Variants in RELN observed in about 807,000 individuals in gnomAD.
RELN encodes reelin.
In RELN, 108 loss-of-function variants were observed where a neutral mutation model predicts 427.6. The observed-to-expected ratio is 0.25, with a 90% confidence interval of 0.22 to 0.30. The LOEUF (loss-of-function observed/expected upper bound fraction) is 0.30. Ranked by LOEUF, RELN falls within the 10% of genes least tolerant of loss-of-function variation. RELN has a pLI of 1.00. For synonymous variants in RELN, 1,524 were observed against 1,513.4 expected, an observed-to-expected ratio of 1.01 and a Z score of -0.16; for missense variants, 3,715 against 4,302.8, an observed-to-expected ratio of 0.86 and a Z score of 3.82.
intron 1 of RELN, among the ~76,000 whole-genome samples, chr7:103,934,737 T>A (rs1241485339): frequency 6.6e-6 from 1 of 152,116 alleles, no homozygotes; most frequent in African/African-American, 2.4e-5. Flanking sequence ...GGCTCTGGAG[T>A]CAGAATGGCT....
intron 2 of RELN, among the ~76,000 whole-genome samples, chr7:103,900,929 T>C (rs1043566452): frequency 4.0e-5 from 6 of 151,796 alleles, no homozygotes; most frequent in Non-Finnish European, 7.4e-5. Flanking sequence ...GATGTAGGCA[T>C]GGGCAAAGAT....
intron 8 of RELN, among the ~76,000 whole-genome samples, chr7:103,702,314 A>T (rs964214896): frequency 6.6e-6 from 1 of 152,244 alleles, no homozygotes; most frequent in Non-Finnish European, 1.5e-5. Flanking sequence ...ATTTAGAAGG[A>T]AAGTTCAAAT....
At position 103,721,523 on chromosome 7, in the gene RELN, T is replaced by C. The variant is rs114784657; in HGVS notation, c.805+1617A>G. On this transcript the variant is annotated intron_variant, in intron 8 of 64. Transcript: ENST00000428762. ...TACTTTTTCATCAAGTCTGTTGTAA[T>C]TGGTACAAATGAAAGGCAAGGAAAT... is the stretch of plus-strand genomic sequence containing the variant. Among the ~76,000 whole-genome samples, 1,504 of 152,218 alleles carry C rather than the reference T, an allele frequency of 9.9e-3. 32 individuals carry two copies. The highest frequency in any genetic ancestry group is 0.033 in the African/African-American group (1,372 of 41,540).
At position 103,833,681 on chromosome 7, in the gene RELN, A is replaced by G. The variant is rs759501468; in HGVS notation, c.338-9T>C. 132 of 1,612,018 alleles carry G rather than the reference A, an allele frequency of 8.2e-5. No homozygotes were observed. The highest frequency in any genetic ancestry group is 1.1e-4 in the Non-Finnish European group (125 of 1,178,598). On this transcript the variant is annotated splice_polypyrimidine_tract_variant and intron_variant, in intron 2 of 64. Transcript: ENST00000428762. ...GTGGTCAGACATGATCCCTAAGAGA[A>G]AGGAAGGAGAGTTGTTACAAAGACA...
intron 11 of RELN, among the ~76,000 whole-genome samples, chr7:103,677,598 T>C (rs1414619603): frequency 6.7e-6 from 1 of 150,174 alleles, no homozygotes; most frequent in Non-Finnish European, 1.5e-5. Context: ...AAATCCCGTC[T>C]CTACCAAAAG....
chr7:103,683,996 C>T (rs567342404), intron 10 of RELN, among the ~76,000 whole-genome samples: 3 of 152,252 alleles, frequency 2.0e-5, no homozygotes, highest in Admixed American at 6.5e-5. Flanking sequence ...GAATAGAACC[C>T]AGTGTTCTCA....
At chr7:103,893,987 G>A (rs563561221) in intron 2 of RELN, among the ~76,000 whole-genome samples, 4 of 152,242 alleles carry the variant, frequency 2.6e-5, no homozygotes, top group African/African-American at 7.2e-5. Flanking sequence ...ATAGCCGAAC[G>A]CTGAATAGAA....
At position 103,520,527 on chromosome 7, in the gene RELN, C is replaced by T. The variant is rs370273893; in HGVS notation, c.7669-1011G>A. 2.5e-4 allele frequency among the ~76,000 whole-genome samples: 38 copies of T among 152,198 alleles called. No individual in the cohort carries two copies. The East Asian group carries it at 4.3e-3, about 17-fold the overall frequency. On this transcript the variant is annotated intron_variant, in intron 48 of 64. Coordinates refer to ENST00000428762, the MANE Select transcript of RELN (RefSeq NM_005045.4). ...CTGACCTCAGGTGATCTGCCCACCTCGGCCTCCCAAAGTGCTGGGATTACA... is the reference window on the plus strand; with the variant it reads ...CTGACCTCAGGTGATCTGCCCACCTTGGCCTCCCAAAGTGCTGGGATTACA...
chr7:103,725,393 C>A (rs966333237), intron 7 of RELN, among the ~76,000 whole-genome samples: 1 of 151,928 alleles, frequency 6.6e-6, no homozygotes, highest in African/African-American at 2.4e-5. Flanking sequence ...TCTCTACAAA[C>A]AATTTAAAAA....
chr7:103,787,232 C>A (rs1405918034), intron 3 of RELN, among the ~76,000 whole-genome samples: 1 of 151,992 alleles, frequency 6.6e-6, no homozygotes, highest in Non-Finnish European at 1.5e-5. Context: ...ATCAAATGCC[C>A]ACAGGAGAAA....
intron 51 of RELN, among the ~76,000 whole-genome samples, chr7:103,508,155 A>G (rs6956101): frequency 0.17 from 25,476 of 152,190 alleles, 2,840 homozygotes; most frequent in Non-Finnish European, 0.24. Flanking sequence ...AACAATAGAA[A>G]AAGAGGGAAT....
intron 1 of RELN, among the ~76,000 whole-genome samples, chr7:103,928,955 T>C (rs7782669): frequency 0.54 from 81,395 of 152,060 alleles, 22,564 homozygotes; most frequent in East Asian, 0.74. Context: ...GTTTAAAGAA[T>C]ATTTAGCCAA....
intron 1 of RELN, among the ~76,000 whole-genome samples, chr7:103,977,310 C>CAAAAAAAAAAAAAAAAA (rs201026012): frequency 1.1e-4 from 10 of 88,258 alleles, no homozygotes; most frequent in African/African-American, 3.6e-4. Flanking sequence ...GACTCTGTCT[C>CAAAAAAAAAAAAAAAAA]AAAAAAAAAA....
At position 103,510,839 on chromosome 7, in the gene RELN, A is replaced by G. The variant is rs542616772; in HGVS notation, c.8274+12T>C. 1.1e-5 allele frequency: 18 copies of G among 1,606,338 alleles called. No homozygotes were observed. In the South Asian group the frequency reaches 1.3e-4, roughly 12 times the overall value. On this transcript the variant is annotated intron_variant, in intron 51 of 64. Coordinates refer to ENST00000428762, the MANE Select transcript of RELN (RefSeq NM_005045.4). ...TATGGTTGTTTATATAATCAAGATC[A>G]TAACATTTCACCTTGAATTGCATAA...
At chr7:103,744,785 C>T (rs1050623984) in intron 6 of RELN, among the ~76,000 whole-genome samples, 20 of 143,478 alleles carry the variant, frequency 1.4e-4, no homozygotes, top group African/African-American at 5.7e-4. Flanking sequence ...AGCTTACCAA[C>T]CAAAAAAAGT....
intron 2 of RELN, among the ~76,000 whole-genome samples, chr7:103,865,365 A>G (rs887832072): frequency 1.4e-5 from 2 of 145,172 alleles, no homozygotes; most frequent in African/African-American, 4.9e-5. Context: ...AATTCTTGCA[A>G]TAAATTGAAG....
intron 28 of RELN, among the ~76,000 whole-genome samples, chr7:103,578,283 C>T (rs796891197): frequency 1.4e-4 from 22 of 152,100 alleles, no homozygotes; most frequent in African/African-American, 2.2e-4. Context: ...ATGTTTGAGA[C>T]GGTAAAAGAC....
At chr7:103,651,857 T>G (rs948530555) in intron 14 of RELN, 68 bp from the exon 15 acceptor site, 12 of 1,525,284 alleles carry the variant, frequency 7.9e-6, no homozygotes, top group African/African-American at 5.5e-5. Context: ...AATGAAATTT[T>G]CAACTCTGGT....
chr7:103,658,923 T>C (rs1584383985), intron 12 of RELN, among the ~76,000 whole-genome samples: 1 of 151,856 alleles, frequency 6.6e-6, no homozygotes, highest in Non-Finnish European at 1.5e-5. Flanking sequence ...CCCACCTCTG[T>C]TTATGTTCTT....
Sources: gnomAD v4.1 joint callset for allele counts (sites outside exome capture counted in the v4.1 genomes callset) on GRCh38, gnomAD v4.1.1 for gene constraint, MANE v1.5 for transcripts, NCBI Gene and HGNC (gene_info 2026-07-23, HGNC 2026-07-21) for gene names.